Variants in LRRK1 observed in about 807,000 individuals in gnomAD.
LRRK1 encodes leucine rich repeat kinase 1.
LRRK1 carries 113 observed loss-of-function variants against 209.1 expected under a neutral mutation model. That is an observed-to-expected ratio of 0.54 (90% confidence interval 0.46 to 0.63). The LOEUF is 0.63. LRRK1 is among the 30% of genes least tolerant of loss of function. LRRK1 has a pLI of 0.00. For missense variants in LRRK1, 2,284 were observed against 2,632.2 expected, an observed-to-expected ratio of 0.87 and a Z score of 2.89; for synonymous variants, 1,144 against 1,099.7, an observed-to-expected ratio of 1.04 and a Z score of -0.80.
intron 6 of LRRK1, among the ~76,000 whole-genome samples, chr15:100,993,949 C>T (rs761381420): frequency 8.5e-5 from 13 of 152,154 alleles, no homozygotes; most frequent in Non-Finnish European, 7.4e-5. Context: ...GATAACAATG[C>T]CCTTCACAGG....
chr15:100,984,703 G>A (rs2031779807), intron 4 of LRRK1, among the ~76,000 whole-genome samples: 1 of 152,000 alleles, frequency 6.6e-6, no homozygotes, highest in Non-Finnish European at 1.5e-5. Flanking sequence ...TTGTATTGGT[G>A]TACCACACTA....
chr15:101,019,662 G>A (rs370913346), intron 12 of LRRK1, among the ~76,000 whole-genome samples: 7 of 152,216 alleles, frequency 4.6e-5, no homozygotes, highest in South Asian at 2.1e-4. Flanking sequence ...AAGGGCAACC[G>A]AGCCTGGTTT....
chr15:101,044,459 G>A (rs943357706), intron 20 of LRRK1, among the ~76,000 whole-genome samples: 1 of 152,204 alleles, frequency 6.6e-6, no homozygotes, highest in African/African-American at 2.4e-5. Flanking sequence ...CCGACTCACT[G>A]GTCATTCCCT....
intron 2 of LRRK1, among the ~76,000 whole-genome samples, chr15:100,941,404 G>GTGTGTGTCTATGTGTGTGTGTGTC (rs1567190972): frequency 8.4e-6 from 1 of 118,676 alleles, no homozygotes; most frequent in African/African-American, 5.1e-5. Context: ...GTGTGTCTGT[G>GTGTGTGTCTATGTGTGTGTGTGTC]TGTGTCTCTG....
chr15:101,062,205 T>C (rs2036226304), intron 30 of LRRK1, among the ~76,000 whole-genome samples: 1 of 152,246 alleles, frequency 6.6e-6, no homozygotes. Flanking sequence ...GCCTAAAGCA[T>C]GCTGTCTCAC....
At chr15:100,950,051 T>C (rs1429704902) in intron 2 of LRRK1, among the ~76,000 whole-genome samples, 1 of 152,194 alleles carries the variant, frequency 6.6e-6, no homozygotes, top group Admixed American at 6.5e-5. Flanking sequence ...GAAATCCAAA[T>C]TGGAGAGGTA....
intron 6 of LRRK1, among the ~76,000 whole-genome samples, chr15:100,990,560 A>G (rs79637687): frequency 0.053 from 8,050 of 152,114 alleles, 486 homozygotes; most frequent in African/African-American, 0.15. Flanking sequence ...GGCAAAAATA[A>G]TTTCTGCTTA....
chr15:101,029,204 G>C lies in LRRK1; in HGVS notation c.2935G>C (p.Glu979Gln). The C allele has an allele frequency of 6.2e-7, 1 of 1,613,190 alleles. No homozygotes were observed. The highest frequency in any genetic ancestry group is 8.5e-7 in the Non-Finnish European group (1 of 1,179,234). The change falls in exon 20 of 34, where the codon GAG becomes CAG. Residue 979 changes from glutamate (E) to glutamine (Q), a missense_variant. Physicochemically the swap from Glu to Gln is conservative, Grantham distance 29 (BLOSUM62 2). Around this residue, in one of 6 missense-constraint regions of LRRK1, gnomAD observed 780 missense variants for 985.2 expected, o/e 0.79. Transcript: ENST00000388948. ...GTACTTCCAGTTCCTGGCCAAGTTT[G>C]AGATCGCCCTGCCCGTCGCCAATGA... Reference protein sequence around the residue: ...EQYFQFLAKFEIALPVANDSY... With the variant: ...EQYFQFLAKFQIALPVANDSY...
At chr15:100,991,763 C>T (rs975452604) in intron 6 of LRRK1, among the ~76,000 whole-genome samples, 1 of 152,156 alleles carries the variant, frequency 6.6e-6, no homozygotes, top group Admixed American at 6.5e-5. Flanking sequence ...AATCATGACT[C>T]TAGCAGTTAT....
chr15:101,052,871 C>T (rs1223712055), intron 24 of LRRK1, 51 bp from the exon 25 acceptor site: 2 of 1,578,826 alleles, frequency 1.3e-6, no homozygotes, highest in Non-Finnish European at 1.7e-6. Context: ...GCCCAGGACC[C>T]ACCCGCATCA....
chr15:100,981,790 A>T (rs927050296), intron 3 of LRRK1, among the ~76,000 whole-genome samples: 2 of 152,242 alleles, frequency 1.3e-5, no homozygotes, highest in African/African-American at 4.8e-5. Flanking sequence ...AGCATCTGGC[A>T]CCTGGTGAGA....
intron 2 of LRRK1, among the ~76,000 whole-genome samples, chr15:100,953,319 A>T (rs1357812356): frequency 1.3e-5 from 2 of 151,500 alleles, no homozygotes; most frequent in Non-Finnish European, 2.9e-5. Context: ...ACCACCATTC[A>T]CTCTCGGCTT....
intron 2 of LRRK1, among the ~76,000 whole-genome samples, chr15:100,953,893 G>A (rs972640880): frequency 6.6e-6 from 1 of 151,636 alleles, no homozygotes; most frequent in Non-Finnish European, 1.5e-5. Flanking sequence ...TAACACATAG[G>A]TTTTTTTGTT....
chr15:101,008,013 C>A (rs112461537), intron 6 of LRRK1, among the ~76,000 whole-genome samples: 6,447 of 151,636 alleles, frequency 0.043, 193 homozygotes, highest in African/African-American at 0.085. Context: ...AAAAATTAGC[C>A]GTGAGTGGTG....
At chr15:101,018,439 C>T (rs1474582259) in intron 12 of LRRK1, among the ~76,000 whole-genome samples, 3 of 152,098 alleles carry the variant, frequency 2.0e-5, no homozygotes, top group East Asian at 3.9e-4. Context: ...TCATGCCAGG[C>T]GGGATGATGG....
chr15:101,032,192 G>A (rs1238062180), intron 20 of LRRK1, among the ~76,000 whole-genome samples: 1 of 152,180 alleles, frequency 6.6e-6, no homozygotes, highest in Non-Finnish European at 1.5e-5. Context: ...CTTCTTCTGT[G>A]AAGTGTCTAT....
chr15:100,988,550 A>ACTAG (rs776569462), intron 4 of LRRK1, 84 bp from the exon 5 acceptor site: 1 of 1,247,384 alleles, frequency 8.0e-7, no homozygotes, highest in Non-Finnish European at 1.2e-6. Flanking sequence ...GTCCATTGCT[A>ACTAG]CTAGCGGTCT....
intron 3 of LRRK1, among the ~76,000 whole-genome samples, chr15:100,976,173 A>G (rs1013339515): frequency 2.0e-5 from 3 of 150,302 alleles, no homozygotes; most frequent in African/African-American, 7.5e-5. Flanking sequence ...TAAATCAATC[A>G]TGTAAAACCT....
chr15:101,078,116 C>T lies in LRRK1; in HGVS notation c.*9268C>T, dbSNP rs1255039052. ...GCCCCCACTCCTGCCCGCCAGAGAACAAACCCCCTTTGACTGTAATTTTCC... is the reference window on the plus strand; with the variant it reads ...GCCCCCACTCCTGCCCGCCAGAGAATAAACCCCCTTTGACTGTAATTTTCC... On this transcript the variant is annotated 3_prime_UTR_variant, in exon 34 of 34. Transcript: ENST00000388948. 1 of 152,296 alleles carries T rather than the reference C, an allele frequency of 6.6e-6. No individual in the cohort carries two copies. Among genetic ancestry groups the T allele is most frequent in the Non-Finnish European group, 1.5e-5 (1 of 68,358 alleles). The allele number at this position is 152,296 out of a possible 1,614,324, so 9.4% of individuals were successfully genotyped here.
Sources: allele counts gnomAD v4.1 joint callset (sites outside exome capture counted in the v4.1 genomes callset), GRCh38; gene constraint gnomAD v4.1.1; regional missense constraint gnomAD v4.1.1; transcripts MANE v1.5; gene names NCBI Gene and HGNC (gene_info 2026-07-23, HGNC 2026-07-21).